ABCA3: variants seen among roughly 807,000 people sequenced by gnomAD.
The protein encoded by ABCA3 is ATP binding cassette subfamily A member 3, also known as phospholipid-transporting ATPase ABCA3.
Under a neutral mutation model 172.8 loss-of-function variants are expected in ABCA3, and 88 were observed. The observed-to-expected ratio is 0.51, with a 90% CI of 0.43 to 0.61. The LOEUF (loss-of-function observed/expected upper bound fraction) is 0.61. ABCA3 is among the 20% of genes least tolerant of loss of function. The pLI is 0.00. For synonymous variants in ABCA3, 1,066 were observed against 983.8 expected, an observed-to-expected ratio of 1.08 and a Z score of -1.56; for missense variants, 2,164 against 2,301.0, an observed-to-expected ratio of 0.94 and a Z score of 1.22.
intron 8 of ABCA3, among the ~76,000 whole-genome samples, chr16:2,318,611 C>T (rs957764240): frequency 6.6e-6 from 1 of 151,666 alleles, no homozygotes; most frequent in Admixed American, 6.6e-5. Context: ...CTCCCGGGTT[C>T]AAGAAATTCT....
rs1156507538 is a variant in ABCA3, at chr16:2,325,991, G to A, written c.319+19C>T. On this transcript the variant is annotated intron_variant, in intron 5 of 32. Coordinates refer to ENST00000301732, the MANE Select transcript of ABCA3 (RefSeq NM_001089.3). ...GAGGCACCACTAGGCCTGGCACCGA[G>A]AGCCCCGGCATGTCTCACCTCGCAT... is the stretch of plus-strand genomic sequence containing the variant. 3.1e-6 allele frequency: 5 copies of A among 1,612,932 alleles called. No homozygotes were observed. Among genetic ancestry groups the A allele is most frequent in the South Asian group, 1.1e-5 (1 of 90,974 alleles).
chr16:2,319,825 C>A lies in ABCA3; in HGVS notation c.629G>T (p.Gly210Val), dbSNP rs1043865919. 2.5e-6 allele frequency: 4 copies of A among 1,613,762 alleles called. No homozygotes were observed. The highest frequency in any genetic ancestry group is 1.3e-5 in the African/African-American group (1 of 74,892). Residue 210 changes from glycine (G) to valine (V), a missense_variant, in exon 8 of 33, where the codon GGC becomes GTC. Around this residue, in one of 3 missense-constraint regions of ABCA3, gnomAD observed 1,343 missense variants for 1,369.6 expected, o/e 0.98. Coordinates refer to ENST00000301732, the MANE Select transcript of ABCA3 (RefSeq NM_001089.3). Reference protein sequence around the residue: ...DGGEPGYIREGFLAVQHAVDR... With the variant: ...DGGEPGYIREVFLAVQHAVDR... ...CACAGCATGCTGCACGGCCAGGAAG[C>A]CTTCCCGGATGTACCCTGGGTGCGG...
chr16:2,283,087 C>T lies in ABCA3; in HGVS notation c.4035+99G>A, dbSNP rs1037780339. 1 of 1,335,308 alleles carries T rather than the reference C, an allele frequency of 7.5e-7. No homozygotes were observed. 82.7% of individuals were successfully genotyped at this position (1,335,308 alleles called of 1,614,324 possible). A position where few individuals can be genotyped will look rare whatever the true frequency, so the allele number is the denominator to read the frequency against. On this transcript the variant is annotated intron_variant, in intron 26 of 32. Transcript: ENST00000301732. This position sits in a 1 kb window ranked among gnomAD's most constrained non-coding sequence, Gnocchi z 5.4. ...GGAGACCATCTGGTGCAGGAGCTGC[C>T]TGGTGGAGAAGGAGGTGGAGCTGCC...
At chr16:2,306,308 G>A (rs963294841) in intron 11 of ABCA3, among the ~76,000 whole-genome samples, 3 of 152,076 alleles carry the variant, frequency 2.0e-5, no homozygotes, top group Admixed American at 6.6e-5. Context: ...CTGGGCAATG[G>A]AGTAAGACCC....
intron 1 of ABCA3, chr16:2,332,698 G>T (rs2093745362): frequency 6.4e-7 from 1 of 1,559,706 alleles, no homozygotes; most frequent in Non-Finnish European, 8.8e-7. Flanking sequence ...CACAGCTGTG[G>T]CTGTCTTCTT....
At chr16:2,302,236 C>T (rs552786066) in intron 12 of ABCA3, among the ~76,000 whole-genome samples, 2 of 152,264 alleles carry the variant, frequency 1.3e-5, no homozygotes, top group African/African-American at 4.8e-5. Flanking sequence ...TATATTTCTG[C>T]GTGTGTGTCT....
intron 8 of ABCA3, 142 bp downstream of exon 8, chr16:2,319,439 C>T (rs1457843204): frequency 3.6e-5 from 42 of 1,172,102 alleles, no homozygotes; most frequent in East Asian, 1.8e-4. Context: ...GAGCCGAGAT[C>T]GCACCACTGC....
intron 1 of ABCA3, among the ~76,000 whole-genome samples, chr16:2,334,096 G>C (rs947489188): frequency 3.3e-5 from 5 of 152,204 alleles, no homozygotes; most frequent in African/African-American, 1.2e-4. Flanking sequence ...TTCAGGAGAA[G>C]ACAGGAATTA....
Position 2,277,557 on chromosome 16 carries a change from G to GC in ABCA3, c.4983+39dup. On this transcript the variant is annotated intron_variant, in intron 32 of 32. Coordinates refer to ENST00000301732, the MANE Select transcript of ABCA3 (RefSeq NM_001089.3). The surrounding 1 kb of genome is among the most constrained non-coding windows in gnomAD (Gnocchi z 5.3). ...GAGACCCCTGGAGGGACCTCCCCCT[G>GC]CCCCATGAGTGCCCAGTGGGGCCCC... The GC allele has an allele frequency of 1.2e-6, 2 of 1,607,128 alleles. No homozygotes were observed. Among genetic ancestry groups the GC allele is most frequent in the Non-Finnish European group, 1.7e-6 (2 of 1,175,500 alleles).
At chr16:2,311,292 T>A (rs975190153) in intron 10 of ABCA3, among the ~76,000 whole-genome samples, 1 of 152,144 alleles carries the variant, frequency 6.6e-6, no homozygotes, top group Non-Finnish European at 1.5e-5. Context: ...TTTTATGTTG[T>A]TTGGTTGATG....
intron 10 of ABCA3, among the ~76,000 whole-genome samples, chr16:2,314,083 A>G (rs1009827889): frequency 6.6e-6 from 1 of 152,186 alleles, no homozygotes; most frequent in Non-Finnish European, 1.5e-5. Context: ...ACAGTCTGAC[A>G]GTCTCTCTCA....
intron 13 of ABCA3, among the ~76,000 whole-genome samples, chr16:2,299,775 G>A (rs761189121): frequency 6.6e-6 from 1 of 152,210 alleles, no homozygotes; most frequent in African/African-American, 2.4e-5. Context: ...CCATGAGGCC[G>A]AGGCACTGCT....
At chr16:2,302,106 G>A (rs2093690394) in intron 12 of ABCA3, among the ~76,000 whole-genome samples, 1 of 152,362 alleles carries the variant, frequency 6.6e-6, no homozygotes, top group East Asian at 1.9e-4. Context: ...TTAGTTAATG[G>A]AATATCTATA....
intron 1 of ABCA3, among the ~76,000 whole-genome samples, chr16:2,334,138 G>A (rs1033375863): frequency 2.0e-5 from 3 of 152,210 alleles, no homozygotes; most frequent in African/African-American, 7.2e-5. Context: ...GCAAGACAGG[G>A]AGATGGCCCG....
chr16:2,281,314 G>T lies in ABCA3; in HGVS notation c.4164+67C>A. 3 of 1,613,124 alleles carry T rather than the reference G, an allele frequency of 1.9e-6. No homozygotes were observed. In the South Asian group the frequency reaches 3.3e-5, roughly 18 times the overall value. On this transcript the variant is annotated intron_variant, in intron 27 of 32. Coordinates refer to ENST00000301732, the MANE Select transcript of ABCA3 (RefSeq NM_001089.3). This position sits in a 1 kb window ranked among gnomAD's most constrained non-coding sequence, Gnocchi z 4.7. ...AGCGCCGAAAGCTTCCAGGGATGGGGTCGGACCCTGGGGACAGCCAGGTAG... is the reference window on the plus strand; with the variant it reads ...AGCGCCGAAAGCTTCCAGGGATGGGTTCGGACCCTGGGGACAGCCAGGTAG...
chr16:2,326,674 T>C (rs1193051555), intron 3 of ABCA3, among the ~76,000 whole-genome samples, 182 bp from the exon 4 acceptor site: 1 of 152,222 alleles, frequency 6.6e-6, no homozygotes, highest in Non-Finnish European at 1.5e-5. Flanking sequence ...CTCAATCCTC[T>C]ACCCTGCACA....
At chr16:2,301,432 G>C (rs1205660750) in intron 12 of ABCA3, among the ~76,000 whole-genome samples, 3 of 151,920 alleles carry the variant, frequency 2.0e-5, no homozygotes, top group Non-Finnish European at 4.4e-5. Flanking sequence ...CTCGGCTGGA[G>C]GTGGTGGCTC....
intron 1 of ABCA3, among the ~76,000 whole-genome samples, chr16:2,330,353 C>T (rs1454730048): frequency 3.4e-4 from 47 of 136,542 alleles, no homozygotes; most frequent in African/African-American, 1.2e-3. Context: ...GAGTTTCACT[C>T]TTGTGGCCCA....
At position 2,289,477 on chromosome 16, in the gene ABCA3, G is replaced by A. The variant is rs1464071782; in HGVS notation, c.2657C>T (p.Ala886Val). ...AGCGGTGCGCTCCTCCTCGATGAGG[G>A]CTCCAATGCCGTCGGAGGGGTCCAT... ...GAMDPSDGIG[A>V]LIEEERTAVK... Residue 886 changes from alanine to valine, a missense_variant, in exon 20 of 33, where the codon GCC becomes GTC. Ala to Val is a moderately conservative substitution (Grantham distance 64). Around this residue, in one of 3 missense-constraint regions of ABCA3, gnomAD observed 1,343 missense variants for 1,369.6 expected, o/e 0.98. Transcript: ENST00000301732. 1 of 1,595,890 alleles carries A rather than the reference G, an allele frequency of 6.3e-7. No individual in the cohort carries two copies. The highest frequency in any genetic ancestry group is 1.1e-5 in the South Asian group (1 of 87,808).
Sources: gnomAD v4.1 joint callset for allele counts (sites outside exome capture counted in the v4.1 genomes callset) on GRCh38, gnomAD v4.1.1 for gene constraint, gnomAD v4.1.1 regional missense constraint, Gnocchi (gnomAD v3.1) non-coding constraint, MANE v1.5 for transcripts, NCBI Gene and HGNC (gene_info 2026-07-23, HGNC 2026-07-21) for gene names.